EXOC4: variants seen among roughly 807,000 people sequenced by gnomAD.
EXOC4 encodes SEC8-like 1.
In EXOC4, 71 loss-of-function variants were observed where a neutral mutation model predicts 107.2. The ratio of observed to expected loss-of-function variants is 0.66; its 90% CI spans 0.55 to 0.81. The LOEUF is 0.81. Ranked by LOEUF, EXOC4 falls within the 30% of genes least tolerant of loss-of-function variation. EXOC4 has a pLI of 0.00. For missense variants in EXOC4, 1,108 were observed against 1,189.6 expected (o/e 0.93, Z 1.01); for synonymous variants, 456 against 441.2 (o/e 1.03, Z -0.42).
At chr7:133,714,246 G>A (rs571979699) in intron 10 of EXOC4, among the ~76,000 whole-genome samples, 71 of 152,296 alleles carry the variant, frequency 4.7e-4, no homozygotes, top group African/African-American at 1.5e-3. Flanking sequence ...ACAGTTCACC[G>A]TCCTGGAACC....
chr7:133,441,587 T>C (rs2150792103), intron 7 of EXOC4, among the ~76,000 whole-genome samples: 1 of 152,200 alleles, frequency 6.6e-6, no homozygotes, highest in Admixed American at 6.5e-5. Context: ...AGAGATGTGG[T>C]TTCACCATGT....
At chr7:134,042,893 T>C (rs1055214161) in intron 17 of EXOC4, among the ~76,000 whole-genome samples, 7 of 152,134 alleles carry the variant, frequency 4.6e-5, no homozygotes, top group Admixed American at 6.5e-5. Flanking sequence ...AAAAATTAGC[T>C]GGCCGTGGTG....
intron 10 of EXOC4, among the ~76,000 whole-genome samples, chr7:133,687,488 G>T (rs1404724109): frequency 6.6e-6 from 1 of 151,982 alleles, no homozygotes; most frequent in Non-Finnish European, 1.5e-5. Flanking sequence ...ATAAGATGCT[G>T]GACCCCTCAT....
intron 17 of EXOC4, among the ~76,000 whole-genome samples, chr7:134,046,467 C>T (rs1416960160): frequency 6.8e-6 from 1 of 147,952 alleles, no homozygotes; most frequent in Non-Finnish European, 1.5e-5. Flanking sequence ...AAGACTATGT[C>T]TTAAAAAAAA....
chr7:133,945,694 AC>A (rs1800533442), intron 14 of EXOC4, among the ~76,000 whole-genome samples: 2 of 152,158 alleles, frequency 1.3e-5, no homozygotes, highest in South Asian at 2.1e-4. Flanking sequence ...GTGTCGGTCC[AC>A]CCCCATCCCC....
intron 10 of EXOC4, among the ~76,000 whole-genome samples, chr7:133,648,735 G>A (rs182990910): frequency 2.4e-3 from 363 of 152,214 alleles, no homozygotes; most frequent in Non-Finnish European, 4.2e-3. Flanking sequence ...ATTCAGAAAC[G>A]TCATTAATTT....
chr7:133,305,818 A>G, intron 3 of EXOC4, 59 bp from the exon 4 acceptor site: 1 of 1,392,604 alleles, frequency 7.2e-7, no homozygotes, highest in Non-Finnish European at 9.7e-7. Flanking sequence ...TTTCTTATTT[A>G]TAATATTGCC....
At chr7:133,437,014 AG>A (rs1437356401) in intron 7 of EXOC4, among the ~76,000 whole-genome samples, 2 of 152,080 alleles carry the variant, frequency 1.3e-5, no homozygotes, top group African/African-American at 4.8e-5. Flanking sequence ...GGAGTGTGTG[AG>A]GATGGGAGAA....
intron 9 of EXOC4, among the ~76,000 whole-genome samples, chr7:133,623,699 A>G (rs1802386343): frequency 6.6e-6 from 1 of 152,170 alleles, no homozygotes; most frequent in Admixed American, 6.6e-5. Flanking sequence ...ACCATCACTA[A>G]TTCTGATTTA....
chr7:133,857,148 G>GTATATATA (rs60382657), intron 11 of EXOC4, among the ~76,000 whole-genome samples: 3 of 20,714 alleles, frequency 1.4e-4, no homozygotes, highest in Non-Finnish European at 1.6e-4. Flanking sequence ...ACACATACAC[G>GTATATATA]TATATATATA....
intron 9 of EXOC4, among the ~76,000 whole-genome samples, chr7:133,581,529 C>T (rs576506228): frequency 5.9e-5 from 9 of 151,706 alleles, no homozygotes; most frequent in African/African-American, 1.5e-4. Flanking sequence ...GAGGCCGAGG[C>T]GGGCGGATCA....
intron 9 of EXOC4, among the ~76,000 whole-genome samples, chr7:133,566,683 C>G (rs912997862): frequency 3.9e-5 from 6 of 152,184 alleles, no homozygotes; most frequent in Admixed American, 3.9e-4. Context: ...ATAGCAGAGA[C>G]TATTCTTGCT....
chr7:133,306,081 A>AT lies in EXOC4; in HGVS notation c.656+21dup, dbSNP rs1794748232. ...AATCAGGTTAAAGAGGCTCTTTGCT[A>AT]TAAGTGTCTTGTGGCAGTGTAGGAT... On this transcript the variant is annotated intron_variant, in intron 4 of 17. Transcript: ENST00000253861. 1 of 1,592,858 alleles carries AT rather than the reference A, an allele frequency of 6.3e-7. No individual in the cohort carries two copies. Among genetic ancestry groups the AT allele is most frequent in the African/African-American group, 1.3e-5 (1 of 74,196 alleles).
intron 7 of EXOC4, among the ~76,000 whole-genome samples, chr7:133,398,315 C>T (rs545964116): frequency 4.6e-5 from 7 of 152,250 alleles, no homozygotes; most frequent in African/African-American, 1.4e-4. Context: ...ATGTTCATAA[C>T]TAAGCTTAAA....
chr7:134,017,317 CTTAAA>C, intron 17 of EXOC4, among the ~76,000 whole-genome samples: 1 of 152,152 alleles, frequency 6.6e-6, no homozygotes, highest in East Asian at 1.9e-4. Flanking sequence ...TGTTAAATCT[CTTAAA>C]TTTAATAGTG....
At chr7:133,651,342 T>C in intron 10 of EXOC4, among the ~76,000 whole-genome samples, 1 of 142,466 alleles carries the variant, frequency 7.0e-6, no homozygotes, top group African/African-American at 2.5e-5. Context: ...CTTCAAAAAA[T>C]TAAAAACCAA....
At chr7:133,592,234 T>A (rs951117918) in intron 9 of EXOC4, among the ~76,000 whole-genome samples, 21 of 152,028 alleles carry the variant, frequency 1.4e-4, no homozygotes, top group Admixed American at 4.6e-4. Flanking sequence ...GTGAATTTTT[T>A]AAAAAAATTT....
At chr7:133,754,382 T>A (rs1372552209) in intron 10 of EXOC4, among the ~76,000 whole-genome samples, 2 of 152,294 alleles carry the variant, frequency 1.3e-5, no homozygotes, top group East Asian at 1.9e-4. Flanking sequence ...TAGTTAGGAA[T>A]GCCTCTCAAG....
intron 10 of EXOC4, among the ~76,000 whole-genome samples, chr7:133,689,836 G>A (rs527556833): frequency 1.3e-5 from 2 of 152,182 alleles, no homozygotes; most frequent in Admixed American, 1.3e-4. Context: ...AACAAATTTA[G>A]CTTAAAGATC....
Sources: allele counts gnomAD v4.1 joint callset (sites outside exome capture counted in the v4.1 genomes callset), GRCh38; gene constraint gnomAD v4.1.1; transcripts MANE v1.5; gene names NCBI Gene and HGNC (gene_info 2026-07-23, HGNC 2026-07-21).